The following DGKB variants were observed in gnomAD, a reference collection of about 807,000 sequenced individuals.
DGKB encodes 90 kDa diacylglycerol kinase.
A neutral mutation model predicts 114.3 loss-of-function variants in DGKB; 67 were observed. The observed-to-expected ratio is 0.59, with a 90% CI of 0.48 to 0.72. DGKB has a LOEUF of 0.72. Among genes scored for constraint, DGKB ranks in the 30% least tolerant of loss-of-function variants. The pLI is 0.00. For missense variants in DGKB, 907 were observed against 975.2 expected, an observed-to-expected ratio of 0.93 and a Z score of 0.93; for synonymous variants, 398 against 323.1, an observed-to-expected ratio of 1.23 and a Z score of -2.49.
chr7:14,606,709 T>A (rs111609782), intron 17 of DGKB, among the ~76,000 whole-genome samples: 2 of 152,138 alleles, frequency 1.3e-5, no homozygotes, highest in African/African-American at 4.8e-5. Flanking sequence ...TGAAATAAAA[T>A]GACATTAATT....
intron 23 of DGKB, among the ~76,000 whole-genome samples, chr7:14,322,420 G>A (rs966602431): frequency 6.6e-6 from 1 of 152,092 alleles, no homozygotes; most frequent in Admixed American, 6.6e-5. Context: ...ATACTGCTGG[G>A]TCAGTTGGAT....
chr7:14,423,813 A>T (rs1484759955), intron 21 of DGKB, among the ~76,000 whole-genome samples: 1 of 152,044 alleles, frequency 6.6e-6, no homozygotes, highest in East Asian at 1.9e-4. Context: ...TAAAACTCTT[A>T]ATTGCTTTCT....
intron 23 of DGKB, among the ~76,000 whole-genome samples, chr7:14,252,794 T>A (rs1323559362): frequency 6.6e-6 from 1 of 152,174 alleles, no homozygotes; most frequent in Non-Finnish European, 1.5e-5. Flanking sequence ...CATGGTTCTG[T>A]GGTTGACAGA....
At chr7:14,461,184 A>T (rs1563231906) in intron 21 of DGKB, among the ~76,000 whole-genome samples, 1 of 152,180 alleles carries the variant, frequency 6.6e-6, no homozygotes, top group Non-Finnish European at 1.5e-5. Context: ...CATCACAATT[A>T]AAAGCACTGG....
At chr7:14,494,298 A>G (rs1784996055) in intron 20 of DGKB, among the ~76,000 whole-genome samples, 1 of 151,918 alleles carries the variant, frequency 6.6e-6, no homozygotes, top group African/African-American at 2.4e-5. Context: ...TATCTTTTAT[A>G]TTCATATAGT....
At chr7:14,843,873 C>G (rs1052057566) in intron 1 of DGKB, among the ~76,000 whole-genome samples, 3 of 131,572 alleles carry the variant, frequency 2.3e-5, no homozygotes, top group Admixed American at 2.3e-4. Flanking sequence ...TACAGTTACA[C>G]GAAAGGCAGT....
chr7:14,750,802 T>TC (rs1250836115), intron 4 of DGKB, among the ~76,000 whole-genome samples: 3 of 131,276 alleles, frequency 2.3e-5, no homozygotes, highest in African/African-American at 6.5e-5. Flanking sequence ...TCTTTTTTTT[T>TC]TTTTTTTTTT....
intron 20 of DGKB, among the ~76,000 whole-genome samples, chr7:14,508,763 AAT>A (rs1202018627): frequency 6.6e-6 from 1 of 152,180 alleles, no homozygotes; most frequent in Admixed American, 6.5e-5. Flanking sequence ...TGACCTATTT[AAT>A]ATGTTTCTCA....
intron 23 of DGKB, among the ~76,000 whole-genome samples, chr7:14,246,216 A>G (rs533391112): frequency 1.3e-5 from 2 of 152,188 alleles, no homozygotes; most frequent in Admixed American, 6.5e-5. Flanking sequence ...TAAAATCTAC[A>G]TATATTGGCT....
chr7:14,854,497 C>T (rs1161331602), intron 1 of DGKB, among the ~76,000 whole-genome samples: 1 of 152,128 alleles, frequency 6.6e-6, no homozygotes, highest in East Asian at 1.9e-4. Flanking sequence ...GAAACTGTTC[C>T]ACCTCAGATC....
chr7:14,297,675 A>G (rs1802814681), intron 23 of DGKB, among the ~76,000 whole-genome samples: 1 of 152,132 alleles, frequency 6.6e-6, no homozygotes, highest in Admixed American at 6.6e-5. Flanking sequence ...CACCACTCCT[A>G]GTCAACATAG....
chr7:14,635,345 C>T, intron 13 of DGKB, among the ~76,000 whole-genome samples: 1 of 88,664 alleles, frequency 1.1e-5, no homozygotes, highest in Admixed American at 9.2e-5. Context: ...TATTTGGGGG[C>T]TATTAGAGAC....
intron 2 of DGKB, among the ~76,000 whole-genome samples, chr7:14,791,996 T>G (rs1201516905): frequency 1.3e-5 from 2 of 152,154 alleles, no homozygotes; most frequent in Non-Finnish European, 2.9e-5. Flanking sequence ...TGCTGAGTAT[T>G]CCCTTCCCTT....
intron 23 of DGKB, among the ~76,000 whole-genome samples, chr7:14,185,865 A>G (rs1370556626): frequency 6.6e-6 from 1 of 152,148 alleles, no homozygotes; most frequent in African/African-American, 2.4e-5. Flanking sequence ...ACAAAAATCA[A>G]TTCAAGATGG....
chr7:14,952,144 T>A (rs1229081109), intron 1 of DGKB, among the ~76,000 whole-genome samples: 1 of 151,996 alleles, frequency 6.6e-6, no homozygotes, highest in African/African-American at 2.4e-5. Context: ...AGGAATGCTA[T>A]GTGAAGAATG....
intron 20 of DGKB, among the ~76,000 whole-genome samples, chr7:14,507,979 T>C (rs1464859917): frequency 6.6e-6 from 1 of 152,236 alleles, no homozygotes. Flanking sequence ...ATTTTAAATC[T>C]ACTTTTGGCT....
At chr7:14,417,139 T>C (rs1225078358) in intron 21 of DGKB, among the ~76,000 whole-genome samples, 4 of 152,116 alleles carry the variant, frequency 2.6e-5, no homozygotes, top group Non-Finnish European at 4.4e-5. Flanking sequence ...ACTTAAGTTC[T>C]CTGCACCCTG....
rs1781412807 is a variant in DGKB, at chr7:14,145,750, C to A, written c.*3381G>T. 1 of 152,176 alleles carries A rather than the reference C, an allele frequency of 6.6e-6. No individual in the cohort carries two copies. Among genetic ancestry groups the A allele is most frequent in the Non-Finnish European group, 1.5e-5 (1 of 68,040 alleles). The allele number at this position is 152,176 out of a possible 1,614,324, so 9.4% of individuals were successfully genotyped here. ...GGGATTACAGGCGTAAGCCATTGCG[C>A]CTGGCCACATTTTCCTTTTTATAAC... On this transcript the variant is annotated 3_prime_UTR_variant, in exon 26 of 26. Transcript: ENST00000402815.
chr7:14,427,835 G>T (rs1270568933), intron 21 of DGKB, among the ~76,000 whole-genome samples: 2 of 152,114 alleles, frequency 1.3e-5, no homozygotes, highest in African/African-American at 4.8e-5. Context: ...GGAATTCAAG[G>T]TGAGATTTGG....
Sources: allele counts gnomAD v4.1 joint callset (sites outside exome capture counted in the v4.1 genomes callset), GRCh38; gene constraint gnomAD v4.1.1; transcripts MANE v1.5; gene names NCBI Gene and HGNC (gene_info 2026-07-23, HGNC 2026-07-21).